Variants in LONP2 observed in about 807,000 individuals in gnomAD.
The protein encoded by LONP2 is lon protease homolog 2, peroxisomal.
LONP2 carries 60 observed loss-of-function variants against 85.6 expected under a neutral mutation model. That is an observed-to-expected ratio of 0.70 (90% CI 0.57 to 0.87). The LOEUF (loss-of-function observed/expected upper bound fraction) is 0.87. Among genes scored for constraint, LONP2 ranks in the 40% least tolerant of loss-of-function variants. The probability of loss-of-function intolerance (pLI) is 0.00; values close to 1 mark genes in which losing one functional copy is unlikely to be tolerated. For synonymous variants in LONP2, 395 were observed against 389.7 expected, an observed-to-expected ratio of 1.01 and a Z score of -0.16; for missense variants, 860 against 1,063.5, an observed-to-expected ratio of 0.81 and a Z score of 2.66.
In LONP2 at chr16:48,261,224, C is replaced by T. The variant is rs749771613; in HGVS notation, c.724-200C>T. ...ATACCAAAGAATCATGTCTACCTTA[C>T]GTTGGTCTACTTCTGCAATTCTGCT... On this transcript the variant is annotated intron_variant, in intron 4 of 14. Transcript: ENST00000285737. 7.0e-4 allele frequency among the ~76,000 whole-genome samples: 106 copies of T among 152,074 alleles called. 2 individuals carry two copies. The highest frequency in any genetic ancestry group is 9.0e-4 in the Non-Finnish European group (61 of 68,002).
chr16:48,343,170 G>A (rs1433454450), intron 12 of LONP2, among the ~76,000 whole-genome samples: 3 of 152,142 alleles, frequency 2.0e-5, no homozygotes, highest in African/African-American at 7.2e-5. Flanking sequence ...CCCATGGCCT[G>A]TAACAGAGCC....
chr16:48,358,080 A>G (rs752343589), downstream of LONP2, among the ~76,000 whole-genome samples: 1 of 152,266 alleles, frequency 6.6e-6, no homozygotes, highest in African/African-American at 2.4e-5. Flanking sequence ...TCATAAATCA[A>G]ATGTGTAATG....
rs184469021 is a variant in LONP2, at chr16:48,302,139, C to T, written c.1662-1033C>T. Among the ~76,000 whole-genome samples, 485 of 152,258 alleles carry T rather than the reference C, an allele frequency of 3.2e-3. 1 individual carries two copies. Among genetic ancestry groups the T allele is most frequent in the African/African-American group, 0.011 (466 of 41,562 alleles). ...TTCTCTTCCCTTTTTCAGTGAATTT[C>T]GCTAAGCTTGGCATATCCCATTTTG... On this transcript the variant is annotated intron_variant, in intron 10 of 14. Coordinates refer to ENST00000285737, the MANE Select transcript of LONP2 (RefSeq NM_031490.5).
chr16:48,333,328 T>C (rs1468174806), intron 11 of LONP2, among the ~76,000 whole-genome samples: 2 of 152,178 alleles, frequency 1.3e-5, no homozygotes, highest in Admixed American at 6.5e-5. Flanking sequence ...TATAGGCAGG[T>C]AAAGGAGATG....
intron 13 of LONP2, 96 bp downstream of exon 13, chr16:48,347,810 T>G: frequency 8.5e-7 from 1 of 1,175,792 alleles, no homozygotes; most frequent in Non-Finnish European, 1.2e-6. Context: ...GTTACACATC[T>G]AGCAAAGTAC....
At chr16:48,274,466 A>G (rs1450465287) in intron 7 of LONP2, among the ~76,000 whole-genome samples, 1 of 152,138 alleles carries the variant, frequency 6.6e-6, no homozygotes, top group African/African-American at 2.4e-5. Flanking sequence ...AACCCTTTAG[A>G]CGAGTACACC....
At position 48,261,479 on chromosome 16, in the gene LONP2, A is replaced by G. The variant is rs1439161266; in HGVS notation, c.779A>G (p.Asp260Gly). The G allele has an allele frequency of 2.5e-6, 4 of 1,607,340 alleles. No homozygotes were observed. The highest frequency in any genetic ancestry group is 2.2e-5 in the East Asian group (1 of 44,618). ...RITHISGTLE[D>G]EDEDEDNDDI... ...ACACATATCTCAGGTACTTTAGAAGATGAAGATGAAGATGAAGATAATGAT... is the reference window on the plus strand; with the variant it reads ...ACACATATCTCAGGTACTTTAGAAGGTGAAGATGAAGATGAAGATAATGAT... The change falls in exon 5 of 15, where the codon GAT (aspartate) becomes GGT (glycine). Residue 260 changes from aspartate (D) to glycine (G), a missense_variant. Asp to Gly is a moderately conservative substitution (Grantham distance 94). Around this residue, in one of 3 missense-constraint regions of LONP2, gnomAD observed 743 missense variants for 917.3 expected, o/e 0.81. Transcript: ENST00000285737.
intron 11 of LONP2, among the ~76,000 whole-genome samples, chr16:48,318,480 C>G (rs1194170375): frequency 6.6e-6 from 1 of 152,186 alleles, no homozygotes; most frequent in Non-Finnish European, 1.5e-5. Context: ...GATCACACCA[C>G]AGCACTCTAG....
chr16:48,319,071 A>G (rs1220464574), intron 11 of LONP2, among the ~76,000 whole-genome samples: 1 of 142,682 alleles, frequency 7.0e-6, no homozygotes, highest in Non-Finnish European at 1.5e-5. Context: ...AAAATGCTAA[A>G]TTTAATGTTT....
At chr16:48,336,268 T>C in intron 12 of LONP2, 1 of 437,164 alleles carries the variant, frequency 2.3e-6, no homozygotes, top group Non-Finnish European at 4.6e-6. Context: ...AAACACTGCT[T>C]ACCAGTTATC....
chr16:48,347,815 A>G, intron 13 of LONP2, 101 bp downstream of exon 13: 1 of 1,124,800 alleles, frequency 8.9e-7, no homozygotes, highest in Non-Finnish European at 1.3e-6. Flanking sequence ...ACATCTAGCA[A>G]AGTACACACC....
intron 6 of LONP2, among the ~76,000 whole-genome samples, chr16:48,269,182 C>A (rs74016363): frequency 0.014 from 2,057 of 149,558 alleles, 46 homozygotes; most frequent in African/African-American, 0.048. Context: ...GGCAATTAGG[C>A]AATTCTTTAC....
At chr16:48,272,902 G>T (rs1972134140) in intron 7 of LONP2, among the ~76,000 whole-genome samples, 1 of 152,150 alleles carries the variant, frequency 6.6e-6, no homozygotes, top group South Asian at 2.1e-4. Context: ...GGTGAGGGCA[G>T]AGCATGCACT....
At chr16:48,347,288 T>C (rs1959994025) in intron 12 of LONP2, among the ~76,000 whole-genome samples, 1 of 152,202 alleles carries the variant, frequency 6.6e-6, no homozygotes, top group Non-Finnish European at 1.5e-5. Context: ...TAAGGTAAAA[T>C]TGCCTCTGAT....
In LONP2 at chr16:48,356,993, G is replaced by C. The variant is rs930474362; in HGVS notation, c.*5191G>C. On this transcript the variant is annotated 3_prime_UTR_variant, in exon 15 of 15. Coordinates refer to ENST00000285737, the MANE Select transcript of LONP2 (RefSeq NM_031490.5). ...ATTTTCAGAATTCAGAAAGGCCTAA[G>C]AAAATTACATCTATGATAATAAAGT... The C allele has an allele frequency of 1.3e-5, 2 of 153,088 alleles. No individual in the cohort carries two copies. The highest frequency in any genetic ancestry group is 4.8e-5 in the African/African-American group (2 of 41,450). 9.5% of individuals were successfully genotyped at this position (153,088 alleles called of 1,614,324 possible).
intron 8 of LONP2, among the ~76,000 whole-genome samples, chr16:48,284,162 C>A (rs951667746): frequency 6.6e-6 from 1 of 152,128 alleles, no homozygotes; most frequent in Non-Finnish European, 1.5e-5. Flanking sequence ...GCAAAGAAAG[C>A]GGGTTTCTTG....
rs1960255514 is a variant in LONP2, at chr16:48,354,232, G to C, written c.*2430G>C. 1.0e-5 allele frequency: 1 copy of C among 99,940 alleles called. No homozygotes were observed. Among genetic ancestry groups the C allele is most frequent in the Non-Finnish European group, 1.9e-5 (1 of 52,950 alleles). The allele number at this position is 99,940 out of a possible 1,614,324, so 6.2% of individuals were successfully genotyped here. ...TTTTTTTTTTTTTTTTTTTGAGATG[G>C]AGTCTTGCTCTGTTACCCAGGCTGC... On this transcript the variant is annotated 3_prime_UTR_variant, in exon 15 of 15. Transcript: ENST00000285737.
At chr16:48,342,328 C>T (rs1278078335) in intron 12 of LONP2, among the ~76,000 whole-genome samples, 1 of 152,212 alleles carries the variant, frequency 6.6e-6, no homozygotes, top group African/African-American at 2.4e-5. Flanking sequence ...GAGATTCTGT[C>T]ATCATGCTTG....
At chr16:48,294,295 A>G (rs1972622770) in intron 8 of LONP2, among the ~76,000 whole-genome samples, 3 of 152,186 alleles carry the variant, frequency 2.0e-5, no homozygotes, top group African/African-American at 4.8e-5. Flanking sequence ...AACCAATTCA[A>G]TACTGAACAT....
Sources: allele counts gnomAD v4.1 joint callset (sites outside exome capture counted in the v4.1 genomes callset), GRCh38; gene constraint gnomAD v4.1.1; regional missense constraint gnomAD v4.1.1; transcripts MANE v1.5; gene names NCBI Gene and HGNC (gene_info 2026-07-23, HGNC 2026-07-21).